Variants in MDGA2 observed in about 807,000 individuals in gnomAD.
MDGA2 encodes the protein MAM domain-containing glycosylphosphatidylinositol anchor protein 2.
A neutral mutation model predicts 117.8 loss-of-function variants in MDGA2; 40 were observed. The observed-to-expected ratio is 0.34, with a 90% CI of 0.26 to 0.44. The LOEUF (loss-of-function observed/expected upper bound fraction) is 0.44, where lower values mean the gene tolerates loss of function less well. Among genes scored for constraint, MDGA2 ranks in the 20% least tolerant of loss-of-function variants. The probability of loss-of-function intolerance (pLI) is 1.00; values close to 1 mark genes in which losing one functional copy is unlikely to be tolerated. For missense variants in MDGA2, 1,123 were observed against 1,250.6 expected, an observed-to-expected ratio of 0.90 and a Z score of 1.54; for synonymous variants, 452 against 439.0, an observed-to-expected ratio of 1.03 and a Z score of -0.37.
intron 7 of MDGA2, chr14:47,058,726 C>G: frequency 1.0e-6 from 1 of 985,260 alleles, no homozygotes; most frequent in Non-Finnish European, 1.2e-6. Flanking sequence ...ATTGGAACAT[C>G]AAAGGTCAGT....
chr14:47,011,751 A>G (rs1360591966), intron 8 of MDGA2, among the ~76,000 whole-genome samples: 1 of 152,040 alleles, frequency 6.6e-6, no homozygotes, highest in Admixed American at 6.6e-5. Flanking sequence ...CAATTAGGAC[A>G]ATCTACATTA....
chr14:47,607,923 G>A (rs1380403362), intron 1 of MDGA2, among the ~76,000 whole-genome samples: 1 of 151,768 alleles, frequency 6.6e-6, no homozygotes, highest in Admixed American at 6.6e-5. Flanking sequence ...CAAGCATTGT[G>A]GTAATACTTT....
chr14:47,242,986 T>C (rs1025423807), intron 2 of MDGA2, among the ~76,000 whole-genome samples: 3 of 151,856 alleles, frequency 2.0e-5, no homozygotes, highest in Admixed American at 6.6e-5. Flanking sequence ...TGTGTTTAGC[T>C]CAAGGTTTGT....
intron 1 of MDGA2, among the ~76,000 whole-genome samples, chr14:47,658,777 G>A (rs772449799): frequency 6.6e-6 from 1 of 152,062 alleles, no homozygotes; most frequent in Non-Finnish European, 1.5e-5. Context: ...CAAATATATT[G>A]GCTCTGCCCC....
intron 1 of MDGA2, among the ~76,000 whole-genome samples, chr14:47,324,663 G>A (rs1054746200): frequency 1.3e-5 from 2 of 151,870 alleles, no homozygotes; most frequent in African/African-American, 4.8e-5. Flanking sequence ...TTTTGACTAT[G>A]AACCTTTGTC....
At chr14:47,575,807 T>C (rs1442570103) in intron 1 of MDGA2, among the ~76,000 whole-genome samples, 1 of 152,210 alleles carries the variant, frequency 6.6e-6, no homozygotes, top group East Asian at 1.9e-4. Flanking sequence ...AATTTAATAT[T>C]GTGCTTCTAA....
chr14:47,009,349 G>A (rs1037410230), intron 8 of MDGA2, among the ~76,000 whole-genome samples: 3 of 152,040 alleles, frequency 2.0e-5, no homozygotes, highest in South Asian at 4.1e-4. Context: ...TAACTATTAT[G>A]AGAATAAAAC....
intron 10 of MDGA2, among the ~76,000 whole-genome samples, chr14:46,892,825 G>A (rs1284312159): frequency 6.6e-6 from 1 of 151,792 alleles, no homozygotes; most frequent in African/African-American, 2.4e-5. Flanking sequence ...ACATCTGTTG[G>A]CATGACTATT....
At chr14:47,282,472 G>A (rs149268365) in intron 2 of MDGA2, among the ~76,000 whole-genome samples, 13,780 of 152,058 alleles carry the variant, frequency 0.091, 764 homozygotes, top group Non-Finnish European at 0.11. Context: ...GAGGTCAGGA[G>A]ATTGAGACCA....
At chr14:47,044,822 G>A (rs567617044) in intron 7 of MDGA2, among the ~76,000 whole-genome samples, 6 of 152,250 alleles carry the variant, frequency 3.9e-5, no homozygotes, top group South Asian at 4.1e-4. Context: ...AAATGTCCAC[G>A]CATACACACA....
intron 2 of MDGA2, among the ~76,000 whole-genome samples, chr14:47,283,391 G>T (rs1322372194): frequency 6.6e-6 from 1 of 152,158 alleles, no homozygotes; most frequent in Non-Finnish European, 1.5e-5. Flanking sequence ...GCTATTTAAT[G>T]CAATAAAATT....
At chr14:47,296,931 G>A (rs1889094252) in intron 2 of MDGA2, among the ~76,000 whole-genome samples, 1 of 152,194 alleles carries the variant, frequency 6.6e-6, no homozygotes, top group South Asian at 2.1e-4. Context: ...AATGATCCAG[G>A]CCACTGGTTC....
chr14:46,899,339 A>G (rs1240658488), intron 10 of MDGA2, among the ~76,000 whole-genome samples: 1 of 152,054 alleles, frequency 6.6e-6, no homozygotes. Context: ...GAGTTATGAT[A>G]ATACATGGAG....
At chr14:47,560,072 A>ATT (rs74632367) in intron 1 of MDGA2, among the ~76,000 whole-genome samples, 11 of 140,290 alleles carry the variant, frequency 7.8e-5, no homozygotes, top group African/African-American at 2.6e-4. Flanking sequence ...TTATCTTAGG[A>ATT]TTTTTTTTTT....
chr14:47,336,800 AT>A (rs1050859466), intron 1 of MDGA2, among the ~76,000 whole-genome samples: 1 of 151,786 alleles, frequency 6.6e-6, no homozygotes. Flanking sequence ...TTATTTATTT[AT>A]TTTTTATTTA....
chr14:47,531,577 A>G (rs1895102267), intron 1 of MDGA2, among the ~76,000 whole-genome samples: 1 of 152,232 alleles, frequency 6.6e-6, no homozygotes, highest in African/African-American at 2.4e-5. Flanking sequence ...ATCTGCACAT[A>G]GAATTGTTAT....
At chr14:46,994,636 T>G (rs1466003767) in intron 8 of MDGA2, among the ~76,000 whole-genome samples, 1 of 152,122 alleles carries the variant, frequency 6.6e-6, no homozygotes, top group Admixed American at 6.6e-5. Flanking sequence ...TATATTTTAA[T>G]AACTTACTGT....
chr14:47,629,249 G>A (rs1427735552), intron 1 of MDGA2, among the ~76,000 whole-genome samples: 1 of 152,114 alleles, frequency 6.6e-6, no homozygotes, highest in Non-Finnish European at 1.5e-5. Context: ...GTTACTAGAA[G>A]GACAGCATAT....
intron 1 of MDGA2, among the ~76,000 whole-genome samples, chr14:47,404,009 T>A (rs1042893274): frequency 9.9e-5 from 15 of 152,228 alleles, no homozygotes; most frequent in Middle Eastern, 3.4e-3. Context: ...AAACTCAGCA[T>A]AAAAATTCAT....
Sources: gnomAD v4.1 joint callset for allele counts (sites outside exome capture counted in the v4.1 genomes callset) on GRCh38, gnomAD v4.1.1 for gene constraint, MANE v1.5 for transcripts, NCBI Gene and HGNC (gene_info 2026-07-23, HGNC 2026-07-21) for gene names.